TMEM187: variants seen among roughly 807,000 people sequenced by gnomAD.
The protein encoded by TMEM187 is transmembrane protein 187, also known as chromosome X open reading frame 12.
A neutral mutation model predicts 11.8 loss-of-function variants in TMEM187; 14 were observed. The ratio of observed to expected loss-of-function variants is 1.18; its 90% CI spans 0.78 to 1.85. The LOEUF is 1.85. Among genes scored for constraint, TMEM187 ranks in the 40% most tolerant of loss-of-function variants. The probability of loss-of-function intolerance (pLI) is 0.00; values close to 1 mark genes in which losing one functional copy is unlikely to be tolerated. For synonymous variants in TMEM187, 112 were observed against 118.5 expected, an observed-to-expected ratio of 0.95 and a Z score of 0.36; for missense variants, 227 against 243.9, an observed-to-expected ratio of 0.93 and a Z score of 0.46.
rs147712258 is a variant in TMEM187, at chrX:153,982,420, C to T, written c.358C>T (p.Leu120=). 2 of 1,201,515 alleles carry T rather than the reference C, an allele frequency of 1.7e-6. No homozygotes were observed. Among genetic ancestry groups the T allele is most frequent in the Non-Finnish European group, 2.2e-6 (2 of 893,688 alleles). ...RAAVLDQWLT[L]PIFAWPVAWC... ...CGCGGTGCTGGACCAGTGGCTCACA[C>T]TGCCCATCTTTGCATGGCCCGTGGC... The change falls in exon 2 of 2, where the codon CTG becomes TTG. Residue 120 remains leucine, a synonymous_variant. Transcript: ENST00000369982.
chrX:153,981,043 A>G (rs1221030354), intron 1 of TMEM187: 1 of 109,368 alleles, frequency 9.1e-6, no homozygotes, highest in African/African-American at 3.3e-5. Flanking sequence ...ACTGGAGCCC[A>G]CCCTTCTCTC....
rs1292794796 is a variant in TMEM187 at position 153,982,165 on chromosome X, G to C, written c.103G>C (p.Val35Leu). 8.3e-7 allele frequency: 1 copy of C among 1,211,830 alleles called. No homozygotes were observed. The highest frequency in any genetic ancestry group is 3.0e-5 in the East Asian group (1 of 33,825). The stretch of plus-strand genomic sequence containing the variant: ...CATTTTCGACAGTGTTTCCGTGCAA[G>C]TGGGCTATGAGCACTACGCCGAGGC... Reference protein sequence around the residue: ...TGIFDSVSVQVGYEHYAEAPV... With the variant: ...TGIFDSVSVQLGYEHYAEAPV... Residue 35 changes from valine (V) to leucine (L), a missense_variant, in exon 2 of 2, where the codon GTG becomes CTG. Physicochemically the swap from Val to Leu is conservative, Grantham distance 32. Transcript: ENST00000369982.
chrX:153,983,153 A>T lies in TMEM187; in HGVS notation c.*305A>T, dbSNP rs886867856. ...AATAAATATTGGCAAGGGGAGTGGA[A>T]ATGACACCAAGAAGCCCCTCATGCT... On this transcript the variant is annotated 3_prime_UTR_variant, in exon 2 of 2. Transcript: ENST00000369982. The T allele has an allele frequency of 8.1e-6, 3 of 371,007 alleles. No homozygotes were observed. The highest frequency in any genetic ancestry group is 7.8e-5 in the African/African-American group (3 of 38,489). The allele number at this position is 371,007 out of a possible 1,213,427, so 30.6% of individuals were successfully genotyped here.
Position 153,981,967 on chromosome X carries a change from C to G in TMEM187, c.-96C>G, listed in dbSNP as rs2065604000. 1 of 1,187,655 alleles carries G rather than the reference C, an allele frequency of 8.4e-7. No homozygotes were observed. Among genetic ancestry groups the G allele is most frequent in the African/African-American group, 1.7e-5 (1 of 57,225 alleles). On this transcript the variant is annotated 5_prime_UTR_variant, in exon 2 of 2. Transcript: ENST00000369982. ...CACGAAATCACGGGGCTTCTTTCTG[C>G]TGGCTCAGCCGGGAGGCCCAGAGTG...
intron 1 of TMEM187, among the ~76,000 whole-genome samples, chrX:153,977,358 T>C (rs2065580550): frequency 8.9e-6 from 1 of 112,106 alleles, no homozygotes; most frequent in African/African-American, 3.2e-5. Flanking sequence ...TTCACGCCTG[T>C]AATCCCGGCA....
At chrX:153,979,422 G>T (rs1376464507) in intron 1 of TMEM187, among the ~76,000 whole-genome samples, 1 of 107,368 alleles carries the variant, frequency 9.3e-6, no homozygotes, top group Non-Finnish European at 1.9e-5. Flanking sequence ...GTCTCACTTT[G>T]TTGCCCAGGC....
chrX:153,979,769 C>T (rs1167181930), intron 1 of TMEM187, among the ~76,000 whole-genome samples: 3 of 93,444 alleles, frequency 3.2e-5, no homozygotes, highest in Non-Finnish European at 6.3e-5. Flanking sequence ...TGGAGTCGCG[C>T]TCTGTCGCCC....
At chrX:153,978,598 G>T (rs1264138964) in intron 1 of TMEM187, among the ~76,000 whole-genome samples, 1 of 78,971 alleles carries the variant, frequency 1.3e-5, no homozygotes, top group Non-Finnish European at 2.4e-5. Context: ...TTTTTTTGGG[G>T]GGGAGAGGGA....
chrX:153,972,859 C>T lies in TMEM187; in HGVS notation c.-215C>T, dbSNP rs1483460568. ...GATAGCTGGCCTTTTCGCGCCAATA[C>T]TGTAAGTGCTCACCGCAGCCCTGGG... On this transcript the variant is annotated splice_region_variant and 5_prime_UTR_variant, in exon 1 of 2. Transcript: ENST00000369982. 8.9e-6 allele frequency: 1 copy of T among 112,893 alleles called. No individual in the cohort carries two copies. The highest frequency in any genetic ancestry group is 3.2e-5 in the African/African-American group (1 of 31,056). The allele number at this position is 112,893 out of a possible 1,213,427, so 9.3% of individuals were successfully genotyped here. A position where few individuals can be genotyped will look rare whatever the true frequency, so the allele number is the denominator to read the frequency against.
chrX:153,977,692 CTT>C (rs57342352), intron 1 of TMEM187, among the ~76,000 whole-genome samples: 35,969 of 107,016 alleles, frequency 0.34, 6,016 homozygotes, highest in East Asian at 0.75. Context: ...GGGCGGATCA[CTT>C]GAGGTCAGGA....
Position 153,981,859 on chromosome X carries a change from A to C in TMEM187, c.-204A>C. 3.2e-6 allele frequency: 2 copies of C among 633,634 alleles called. No individual in the cohort carries two copies. The highest frequency in any genetic ancestry group is 4.8e-6 in the Non-Finnish European group (2 of 417,830). 52.2% of individuals were successfully genotyped at this position (633,634 alleles called of 1,213,427 possible). ...TTTTGTAACCACAAAGGAAAAAGGC[A>C]GAACGTTCCTCCGCTGGCGCCAGCC... is the stretch of plus-strand genomic sequence containing the variant. On this transcript the variant is annotated 5_prime_UTR_variant, in exon 2 of 2. Coordinates refer to ENST00000369982, the MANE Select transcript of TMEM187 (RefSeq NM_003492.3).
At position 153,982,997 on chromosome X, in the gene TMEM187, G is replaced by C; in HGVS notation, c.*149G>C. 1 of 1,085,604 alleles carries C rather than the reference G, an allele frequency of 9.2e-7. No individual in the cohort carries two copies. Among genetic ancestry groups the C allele is most frequent in the South Asian group, 2.0e-5 (1 of 49,385 alleles). 89.5% of individuals were successfully genotyped at this position (1,085,604 alleles called of 1,213,427 possible). A position where few individuals can be genotyped will look rare whatever the true frequency, so the allele number is the denominator to read the frequency against. On this transcript the variant is annotated 3_prime_UTR_variant, in exon 2 of 2. Transcript: ENST00000369982. ...CCTTTCCTGAGAAGCTGCGGGCTTC[G>C]GTGTGGAGGGGTGGAGTGCTGTGAT...
intron 1 of TMEM187, among the ~76,000 whole-genome samples, chrX:153,978,569 CTTT>C (rs781940360): frequency 1.3e-4 from 5 of 38,914 alleles, no homozygotes; most frequent in African/African-American, 5.2e-4. Flanking sequence ...CGCCTGGCCA[CTTT>C]TTTTTTTTTT....
intron 1 of TMEM187, among the ~76,000 whole-genome samples, chrX:153,973,718 G>C (rs2065565785): frequency 2.7e-5 from 3 of 111,893 alleles, no homozygotes; most frequent in African/African-American, 9.8e-5. Flanking sequence ...CACAAAAGCA[G>C]CTGCTGGTTT....
At chrX:153,975,875 C>T (rs1044385580) in intron 1 of TMEM187, among the ~76,000 whole-genome samples, 17 of 107,778 alleles carry the variant, frequency 1.6e-4, no homozygotes, top group Non-Finnish European at 3.3e-4. Flanking sequence ...GAACTCCTGA[C>T]CTTAAGTGAT....
Position 153,982,432 on chromosome X carries a change from G to A in TMEM187, c.370G>A (p.Ala124Thr). The A allele has an allele frequency of 1.7e-6, 2 of 1,201,956 alleles. No individual in the cohort carries two copies. The highest frequency in any genetic ancestry group is 2.2e-6 in the Non-Finnish European group (2 of 893,898). The change falls in exon 2 of 2, where the codon GCA (alanine) becomes ACA (threonine). Residue 124 changes from alanine (A) to threonine (T), a missense_variant. Coordinates refer to ENST00000369982, the MANE Select transcript of TMEM187 (RefSeq NM_003492.3). The stretch of plus-strand genomic sequence containing the variant: ...CCAGTGGCTCACACTGCCCATCTTT[G>A]CATGGCCCGTGGCCTGGTGCCTCTA... ...LDQWLTLPIF[A>T]WPVAWCLYLD...
Position 153,982,282 on chromosome X carries a change from A to G in TMEM187, c.220A>G (p.Arg74Gly), listed in dbSNP as rs781817194. Reference protein sequence around the residue: ...YTLLGLSWLHRGGAMGLGPRY... With the variant: ...YTLLGLSWLHGGGAMGLGPRY... ...GCTGCTGGGGCTGTCGTGGCTGCAC[A>G]GGGGCGGCGCGATGGGGCTGGGTCC... Residue 74 changes from arginine (R) to glycine (G), a missense_variant, in exon 2 of 2, where the codon AGG (arginine) becomes GGG (glycine). By Grantham distance (125) the Arg-to-Gly change is moderately radical. Transcript: ENST00000369982. 5.7e-5 allele frequency: 69 copies of G among 1,210,649 alleles called. No homozygotes were observed. The highest frequency in any genetic ancestry group is 7.4e-5 in the Non-Finnish European group (66 of 895,344).
At chrX:153,978,210 CA>C (rs1227874571) in intron 1 of TMEM187, among the ~76,000 whole-genome samples, 2 of 105,513 alleles carry the variant, frequency 1.9e-5, no homozygotes. Context: ...GAGTCTGTCT[CA>C]AAAAAACAAA....
rs1263043095 is a variant in TMEM187, at chrX:153,976,153, G to T, written c.-214+3293G>T. 3.6e-5 allele frequency among the ~76,000 whole-genome samples: 4 copies of T among 111,930 alleles called. No individual in the cohort carries two copies. In the East Asian group the frequency reaches 1.1e-3, roughly 31 times the overall value. Reference sequence around the variant, plus strand: ...TACTACTTATAATAGCTAAGATATGGAAGCAATCTAAGTGTCCACCAGTGG... The same window carrying T: ...TACTACTTATAATAGCTAAGATATGTAAGCAATCTAAGTGTCCACCAGTGG... On this transcript the variant is annotated intron_variant, in intron 1 of 1. Transcript: ENST00000369982.
Sources: allele counts gnomAD v4.1 joint callset (sites outside exome capture counted in the v4.1 genomes callset), GRCh38; gene constraint gnomAD v4.1.1; transcripts MANE v1.5; gene names NCBI Gene and HGNC (gene_info 2026-07-23, HGNC 2026-07-21).